ANKRD55: variants seen among roughly 807,000 people sequenced by gnomAD.
The protein encoded by ANKRD55 is ankyrin repeat domain 55.
ANKRD55 carries 41 observed loss-of-function variants against 60.6 expected under a neutral mutation model. The ratio of observed to expected loss-of-function variants is 0.68; its 90% CI spans 0.53 to 0.88. ANKRD55 has a LOEUF of 0.88. ANKRD55 is among the 40% of genes least tolerant of loss of function. The pLI, the probability that ANKRD55 is intolerant of heterozygous loss-of-function variation, is 0.00. For synonymous variants in ANKRD55, 264 were observed against 290.3 expected (o/e 0.91, Z 0.92); for missense variants, 732 against 767.6 (o/e 0.95, Z 0.55).
chr5:56,104,980 A>ACCTCTCTG (rs1479577265), intron 10 of ANKRD55, among the ~76,000 whole-genome samples: 3 of 152,016 alleles, frequency 2.0e-5, no homozygotes, highest in Admixed American at 6.6e-5. Context: ...AGATGAGCTA[A>ACCTCTCTG]CCTCTCTGTC....
chr5:56,145,545 G>A (rs1757876610), intron 6 of ANKRD55, among the ~76,000 whole-genome samples: 1 of 152,220 alleles, frequency 6.6e-6, no homozygotes, highest in African/African-American at 2.4e-5. Flanking sequence ...CAAGAAATAG[G>A]CCTTTATTGT....
At chr5:56,131,389 T>C (rs1328376261) in intron 7 of ANKRD55, among the ~76,000 whole-genome samples, 1 of 152,146 alleles carries the variant, frequency 6.6e-6, no homozygotes, top group African/African-American at 2.4e-5. Flanking sequence ...TCAACAAGAA[T>C]TCTGTACCTT....
chr5:56,158,713 G>A (rs780960112), intron 6 of ANKRD55, among the ~76,000 whole-genome samples: 40 of 152,048 alleles, frequency 2.6e-4, no homozygotes, highest in Non-Finnish European at 5.0e-4. Context: ...GAGGGGAGGG[G>A]GACAGGATGT....
chr5:56,126,051 T>C (rs1757243857), intron 8 of ANKRD55, among the ~76,000 whole-genome samples: 1 of 151,934 alleles, frequency 6.6e-6, no homozygotes, highest in Admixed American at 6.6e-5. Context: ...AGGGAATCGC[T>C]TGGACCTGGG....
At chr5:56,170,018 A>T (rs1758571190) in intron 5 of ANKRD55, among the ~76,000 whole-genome samples, 1 of 152,178 alleles carries the variant, frequency 6.6e-6, no homozygotes, top group African/African-American at 2.4e-5. Flanking sequence ...TTATCTTACA[A>T]AAAGGTGGCC....
At chr5:56,133,393 T>C (rs13180187) in intron 7 of ANKRD55, among the ~76,000 whole-genome samples, 1,945 of 49,294 alleles carry the variant, frequency 0.039, 38 homozygotes, top group Non-Finnish European at 0.049. Flanking sequence ...GAGCCGAGAT[T>C]GTGCCACTGC....
rs997027041 is a variant in ANKRD55, at chr5:56,099,995, C to T, written c.*188G>A. On this transcript the variant is annotated 3_prime_UTR_variant, in exon 12 of 12. Coordinates refer to ENST00000341048, the MANE Select transcript of ANKRD55 (RefSeq NM_024669.3). ...GAAATTCACAGACTTAATATGCACA[C>T]CCAAATATTCTAAGTGCTTATTTAG... 1 of 718,046 alleles carries T rather than the reference C, an allele frequency of 1.4e-6. No homozygotes were observed. The highest frequency in any genetic ancestry group is 2.9e-5 in the Admixed American group (1 of 34,888). The allele number at this position is 718,046 out of a possible 1,614,324, so 44.5% of individuals were successfully genotyped here.
intron 8 of ANKRD55, among the ~76,000 whole-genome samples, chr5:56,122,498 A>AG (rs1757096865): frequency 6.6e-6 from 1 of 151,468 alleles, no homozygotes; most frequent in Non-Finnish European, 1.5e-5. Context: ...TAAAAAAAAA[A>AG]CAAACCCAAA....
intron 2 of ANKRD55, among the ~76,000 whole-genome samples, chr5:56,202,930 A>T (rs1324670784): frequency 6.6e-6 from 1 of 152,170 alleles, no homozygotes; most frequent in Non-Finnish European, 1.5e-5. Context: ...TTCAGTAAAG[A>T]TGCCTCTTAG....
chr5:56,121,173 G>T (rs962377507), intron 8 of ANKRD55, among the ~76,000 whole-genome samples: 6 of 152,104 alleles, frequency 3.9e-5, no homozygotes, highest in African/African-American at 1.4e-4. Context: ...TACACCCATT[G>T]TATAAAATTC....
chr5:56,153,323 G>T (rs1381552393), intron 6 of ANKRD55, among the ~76,000 whole-genome samples: 1 of 152,120 alleles, frequency 6.6e-6, no homozygotes, highest in Non-Finnish European at 1.5e-5. Context: ...TAATTAGGCA[G>T]TGTGTATTAA....
At chr5:56,210,995 G>T (rs969934853) in intron 2 of ANKRD55, among the ~76,000 whole-genome samples, 7 of 152,158 alleles carry the variant, frequency 4.6e-5, no homozygotes, top group African/African-American at 1.4e-4. Flanking sequence ...CACTGGAACT[G>T]TGGCTTGGGG....
intron 2 of ANKRD55, among the ~76,000 whole-genome samples, chr5:56,227,216 T>C (rs983116365): frequency 1.3e-5 from 2 of 152,036 alleles, no homozygotes; most frequent in Non-Finnish European, 2.9e-5. Flanking sequence ...GAAGCCATCA[T>C]TCTGAGCAAA....
chr5:56,181,064 G>C (rs1758839327), intron 3 of ANKRD55, among the ~76,000 whole-genome samples: 1 of 152,200 alleles, frequency 6.6e-6, no homozygotes, highest in Non-Finnish European at 1.5e-5. Flanking sequence ...GCTGGGAGCA[G>C]TGGTGAGCAC....
intron 7 of ANKRD55, among the ~76,000 whole-genome samples, chr5:56,141,460 A>G (rs1757764917): frequency 6.6e-6 from 1 of 152,194 alleles, no homozygotes; most frequent in Non-Finnish European, 1.5e-5. Context: ...ATGAAAATCT[A>G]AGAGGTGAGG....
At chr5:56,178,612 A>G (rs1758788583) in intron 3 of ANKRD55, among the ~76,000 whole-genome samples, 1 of 152,198 alleles carries the variant, frequency 6.6e-6, no homozygotes, top group African/African-American at 2.4e-5. Flanking sequence ...ACAAAAAACA[A>G]AAGCAACAAC....
chr5:56,166,940 A>T (rs1361566882), intron 5 of ANKRD55, among the ~76,000 whole-genome samples: 1 of 152,248 alleles, frequency 6.6e-6, no homozygotes, highest in Non-Finnish European at 1.5e-5. Context: ...CCAAGGGCTT[A>T]ATGTCAAAAT....
chr5:56,223,411 A>G (rs1313713769), intron 2 of ANKRD55, among the ~76,000 whole-genome samples: 1 of 152,246 alleles, frequency 6.6e-6, no homozygotes, highest in Non-Finnish European at 1.5e-5. Flanking sequence ...GACAAATTGT[A>G]AAGACCATTG....
intron 6 of ANKRD55, among the ~76,000 whole-genome samples, chr5:56,149,843 CTTTTTT>C (rs763644589): frequency 7.1e-6 from 1 of 140,372 alleles, no homozygotes. Context: ...TCACTAACTT[CTTTTTT>C]TTTTTTTTTT....
Sources: gnomAD v4.1 joint callset for allele counts (sites outside exome capture counted in the v4.1 genomes callset) on GRCh38, gnomAD v4.1.1 for gene constraint, MANE v1.5 for transcripts, NCBI Gene and HGNC (gene_info 2026-07-23, HGNC 2026-07-21) for gene names.